The following RANBP2 variants were observed in gnomAD, a reference collection of about 807,000 sequenced individuals.
RANBP2 encodes the protein E3 SUMO-protein ligase RanBP2.
RANBP2 carries 57 observed loss-of-function variants against 303.6 expected under a neutral mutation model. The ratio of observed to expected loss-of-function variants is 0.19; its 90% CI spans 0.15 to 0.23. The LOEUF (loss-of-function observed/expected upper bound fraction) is 0.23. RANBP2 is among the 10% of genes least tolerant of loss of function. The pLI, the probability that RANBP2 is intolerant of heterozygous loss-of-function variation, is 1.00. For synonymous variants in RANBP2, 1,167 were observed against 1,301.5 expected (o/e 0.90, Z 2.23); for missense variants, 3,138 against 3,780.8 (o/e 0.83, Z 4.46).
chr2:108,967,617 C>T, the RANBP2 span, among the ~76,000 whole-genome samples: 2 of 152,188 alleles, frequency 1.3e-5, no homozygotes, highest in Non-Finnish European at 2.9e-5. Context: ...GCTGTCCATG[C>T]CTGACAGAGT....
the RANBP2 span, among the ~76,000 whole-genome samples, chr2:109,509,075 G>T: frequency 6.9e-4 from 105 of 152,282 alleles, no homozygotes; most frequent in African/African-American, 2.3e-3. Context: ...CATCCGTCAG[G>T]GTCACACAGG....
At chr2:109,281,047 G>A in the RANBP2 span, among the ~76,000 whole-genome samples, 1,565 of 152,284 alleles carry the variant, frequency 0.01, 37 homozygotes, top group African/African-American at 0.035. Flanking sequence ...CCCCAGAGCC[G>A]ACCTTGTATG....
At chr2:109,269,924 G>GTTT in the RANBP2 span, among the ~76,000 whole-genome samples, 1 of 152,200 alleles carries the variant, frequency 6.6e-6, no homozygotes, top group Non-Finnish European at 1.5e-5. Context: ...AAAGCAAAAC[G>GTTT]TAACTACTAC....
chr2:109,578,492 T>C, the RANBP2 span, among the ~76,000 whole-genome samples: 140 of 152,154 alleles, frequency 9.2e-4, no homozygotes, highest in African/African-American at 3.3e-3. Flanking sequence ...TGGCCAGGCA[T>C]GGCAGGCTCA....
the RANBP2 span, among the ~76,000 whole-genome samples, chr2:109,363,576 A>G: frequency 6.6e-6 from 1 of 152,170 alleles, no homozygotes; most frequent in Non-Finnish European, 1.5e-5. Context: ...CTTTCTGTAG[A>G]TCTGAATTTC....
the RANBP2 span, among the ~76,000 whole-genome samples, chr2:109,414,822 C>A: frequency 1.3e-5 from 2 of 152,242 alleles, no homozygotes; most frequent in African/African-American, 4.8e-5. Context: ...TCGGCCCATG[C>A]TCCTCCCTCA....
chr2:108,746,240 C>T (rs1209745918), intron 7 of RANBP2, among the ~76,000 whole-genome samples: 6 of 120,750 alleles, frequency 5.0e-5, no homozygotes, highest in East Asian at 2.5e-4. Context: ...TGCGATGGAG[C>T]CTCGCTCTTT....
At chr2:109,472,749 A>T in the RANBP2 span, among the ~76,000 whole-genome samples, 1 of 152,114 alleles carries the variant, frequency 6.6e-6, no homozygotes, top group East Asian at 1.9e-4. Context: ...ATTCCATTTG[A>T]TCTAATAATT....
At chr2:108,797,445 A>T in the RANBP2 span, among the ~76,000 whole-genome samples, 1 of 152,202 alleles carries the variant, frequency 6.6e-6, no homozygotes, top group South Asian at 2.1e-4. Context: ...TCAATAGAGG[A>T]ATATGGGCTG....
the RANBP2 span, among the ~76,000 whole-genome samples, chr2:109,475,903 C>T: frequency 1.5e-3 from 223 of 152,320 alleles, 1 homozygote; most frequent in African/African-American, 5.2e-3. Flanking sequence ...CACATCTTCA[C>T]GAGCTTCACC....
chr2:108,905,661 C>T, the RANBP2 span, among the ~76,000 whole-genome samples: 1 of 152,162 alleles, frequency 6.6e-6, no homozygotes, highest in Admixed American at 6.5e-5. Flanking sequence ...AGGAAAACCC[C>T]TGACCTCAGC....
At chr2:109,126,158 T>C in the RANBP2 span, among the ~76,000 whole-genome samples, 1 of 152,112 alleles carries the variant, frequency 6.6e-6, no homozygotes, top group Non-Finnish European at 1.5e-5. Context: ...TTGCCTGGGG[T>C]TCACCCTGCT....
the RANBP2 span, among the ~76,000 whole-genome samples, chr2:108,879,428 A>C: frequency 6.6e-6 from 1 of 152,248 alleles, no homozygotes; most frequent in Non-Finnish European, 1.5e-5. Context: ...CATTTTATGC[A>C]GTTAGCATGA....
the RANBP2 span, among the ~76,000 whole-genome samples, chr2:108,918,933 A>C: frequency 1.3e-5 from 2 of 152,288 alleles, no homozygotes; most frequent in South Asian, 4.1e-4. Context: ...CCCCAGTGGC[A>C]GATTCTGAAC....
chr2:109,408,796 G>A, the RANBP2 span, among the ~76,000 whole-genome samples: 8 of 152,240 alleles, frequency 5.3e-5, no homozygotes, highest in Non-Finnish European at 1.0e-4. Flanking sequence ...GGATGTGGAT[G>A]AATATTGTGC....
the RANBP2 span, among the ~76,000 whole-genome samples, chr2:109,389,731 CTAGA>C: frequency 6.6e-6 from 1 of 152,130 alleles, no homozygotes; most frequent in Non-Finnish European, 1.5e-5. Context: ...ATTTGGTCCA[CTAGA>C]TAAATACACC....
chr2:109,419,402 C>G, the RANBP2 span: 1 of 847,178 alleles, frequency 1.2e-6, no homozygotes, highest in Non-Finnish European at 1.9e-6. Context: ...TCCAGGTAGG[C>G]ACAGCACGTT....
chr2:108,782,989 C>A (rs1006927780), intron 28 of RANBP2, 127 bp downstream of exon 28: 2 of 812,378 alleles, frequency 2.5e-6, no homozygotes, highest in Non-Finnish European at 4.0e-6. Context: ...GTTTTCCACA[C>A]ATGGAATCAC....
chr2:108,760,509 G>T (rs1676650928), intron 18 of RANBP2, among the ~76,000 whole-genome samples: 1 of 152,030 alleles, frequency 6.6e-6, no homozygotes, highest in Non-Finnish European at 1.5e-5. Context: ...GTTTTATAGG[G>T]TATTCAGAAT....
Sources: gnomAD v4.1 joint callset for allele counts (sites outside exome capture counted in the v4.1 genomes callset) on GRCh38, gnomAD v4.1.1 for gene constraint, MANE v1.5 for transcripts, NCBI Gene and HGNC (gene_info 2026-07-23, HGNC 2026-07-21) for gene names.